Variants in SCHIP1 observed in about 807,000 individuals in gnomAD.
The protein encoded by SCHIP1 is schwannomin-interacting protein 1.
SCHIP1 carries 8 observed loss-of-function variants against 29.7 expected under a neutral mutation model. The observed-to-expected ratio is 0.27, with a 90% confidence interval of 0.16 to 0.49. The LOEUF (loss-of-function observed/expected upper bound fraction) is 0.49, where lower values mean the gene tolerates loss of function less well. Among genes scored for constraint, SCHIP1 ranks in the 20% least tolerant of loss-of-function variants. The pLI, the probability that SCHIP1 is intolerant of heterozygous loss-of-function variation, is 0.99. For synonymous variants in SCHIP1, 76 were observed against 94.9 expected (o/e 0.80, Z 1.16); for missense variants, 193 against 294.6 (o/e 0.66, Z 2.52).
At chr3:159,396,255 G>A in the SCHIP1 span, among the ~76,000 whole-genome samples, 11 of 151,478 alleles carry the variant, frequency 7.3e-5, no homozygotes, top group Middle Eastern at 3.4e-3. Flanking sequence ...GCACACTGAT[G>A]GGTCTCGACT....
the SCHIP1 span, among the ~76,000 whole-genome samples, chr3:159,646,862 G>A: frequency 5.9e-5 from 9 of 152,062 alleles, no homozygotes; most frequent in Non-Finnish European, 1.0e-4. Context: ...CCTCAAGGCT[G>A]AGGAGGAAAA....
the SCHIP1 span, among the ~76,000 whole-genome samples, chr3:159,544,199 G>GTA: frequency 2.6e-5 from 4 of 151,656 alleles, no homozygotes; most frequent in Admixed American, 6.6e-5. Context: ...GTGTGTATGT[G>GTA]TATATATATA....
chr3:159,565,578 AG>A, the SCHIP1 span, among the ~76,000 whole-genome samples: 1 of 152,176 alleles, frequency 6.6e-6, no homozygotes, highest in South Asian at 2.1e-4. Context: ...TTATGGATAC[AG>A]GATGGACTGT....
At chr3:159,339,845 A>G in the SCHIP1 span, among the ~76,000 whole-genome samples, 1 of 152,086 alleles carries the variant, frequency 6.6e-6, no homozygotes, top group African/African-American at 2.4e-5. Flanking sequence ...GCTTTTGTCC[A>G]CTGAAAAGAA....
chr3:159,742,879 G>GT, the SCHIP1 span, among the ~76,000 whole-genome samples: 2 of 145,556 alleles, frequency 1.4e-5, no homozygotes, highest in South Asian at 2.2e-4. Flanking sequence ...TAGAGATGGG[G>GT]TTTTGCCATG....
chr3:159,365,822 G>A, the SCHIP1 span, among the ~76,000 whole-genome samples: 2 of 152,314 alleles, frequency 1.3e-5, no homozygotes, highest in African/African-American at 4.8e-5. Context: ...ATTGGACAGA[G>A]TGAATTATCA....
the SCHIP1 span, among the ~76,000 whole-genome samples, chr3:159,731,669 A>G: frequency 6.6e-6 from 1 of 152,194 alleles, no homozygotes; most frequent in Non-Finnish European, 1.5e-5. Flanking sequence ...AAGGGGGCAA[A>G]CTGCCCTCCT....
the SCHIP1 span, among the ~76,000 whole-genome samples, chr3:159,500,868 G>A: frequency 0.68 from 104,113 of 151,994 alleles, 36,278 homozygotes; most frequent in African/African-American, 0.82. Context: ...ATAATTCTAT[G>A]TTATACTTAT....
chr3:159,295,339 G>A, the SCHIP1 span, among the ~76,000 whole-genome samples: 11 of 151,048 alleles, frequency 7.3e-5, no homozygotes, highest in Non-Finnish European at 1.2e-4. Context: ...TGAGGCAGGA[G>A]AATCACCTGA....
chr3:159,407,492 A>G, the SCHIP1 span, among the ~76,000 whole-genome samples: 1 of 152,214 alleles, frequency 6.6e-6, no homozygotes. Context: ...CAGAAAATAG[A>G]CAAAGAAACA....
chr3:159,616,642 A>G, the SCHIP1 span, among the ~76,000 whole-genome samples: 1 of 152,224 alleles, frequency 6.6e-6, no homozygotes, highest in African/African-American at 2.4e-5. Flanking sequence ...CTTCCTTCAG[A>G]TAGTATATCA....
chr3:159,721,871 C>G, the SCHIP1 span: 3 of 411,218 alleles, frequency 7.3e-6, no homozygotes, highest in African/African-American at 4.2e-5. Context: ...GGATGCCACT[C>G]AGCATCTGGC....
chr3:159,560,615 C>G, the SCHIP1 span, among the ~76,000 whole-genome samples: 1 of 152,148 alleles, frequency 6.6e-6, no homozygotes, highest in Non-Finnish European at 1.5e-5. Context: ...TTCCACGCAT[C>G]ATTTCATGTT....
chr3:159,838,073 C>A (rs1262658691), upstream of SCHIP1, among the ~76,000 whole-genome samples: 1 of 152,138 alleles, frequency 6.6e-6, no homozygotes, highest in Admixed American at 6.5e-5. Flanking sequence ...GAAATTGAAG[C>A]CTCTGAGGAT....
chr3:159,530,894 A>G, the SCHIP1 span, among the ~76,000 whole-genome samples: 1 of 152,196 alleles, frequency 6.6e-6, no homozygotes, highest in African/African-American at 2.4e-5. Context: ...CAAAGAGTCA[A>G]GAGTACCCTT....
the SCHIP1 span, among the ~76,000 whole-genome samples, chr3:159,651,408 T>C: frequency 2.6e-5 from 4 of 152,156 alleles, no homozygotes; most frequent in Non-Finnish European, 5.9e-5. Context: ...GAATCTCCCA[T>C]AGATGAGCAG....
chr3:159,828,352 G>C, the SCHIP1 span, among the ~76,000 whole-genome samples: 1 of 134,224 alleles, frequency 7.5e-6, no homozygotes, highest in African/African-American at 3.2e-5. Flanking sequence ...ATTAGCATTA[G>C]TGTAACCTTT....
chr3:159,767,589 A>T, the SCHIP1 span, among the ~76,000 whole-genome samples: 1 of 152,222 alleles, frequency 6.6e-6, no homozygotes, highest in African/African-American at 2.4e-5. Context: ...AATACACACC[A>T]CTAGGAATGG....
chr3:159,828,368 T>TATAC, the SCHIP1 span, among the ~76,000 whole-genome samples: 1 of 115,682 alleles, frequency 8.6e-6, no homozygotes, highest in African/African-American at 3.3e-5. Context: ...CCTTTATATA[T>TATAC]ATATATACAT....
Sources: allele counts gnomAD v4.1 joint callset (sites outside exome capture counted in the v4.1 genomes callset), GRCh38; gene constraint gnomAD v4.1.1; transcripts MANE v1.5; gene names NCBI Gene and HGNC (gene_info 2026-07-23, HGNC 2026-07-21).